Variants in MYBPC1 observed in about 807,000 individuals in gnomAD.
MYBPC1 encodes myosin-binding protein C, slow-type.
MYBPC1 carries 52 observed loss-of-function variants against 147.1 expected under a neutral mutation model. The ratio of observed to expected loss-of-function variants is 0.35; its 90% CI spans 0.28 to 0.45. MYBPC1 has a LOEUF of 0.45. MYBPC1 is among the 20% of genes least tolerant of loss of function. MYBPC1 has a pLI of 1.00. For missense variants in MYBPC1, 1,228 were observed against 1,440.3 expected (o/e 0.85, Z 2.39); for synonymous variants, 477 against 475.9 (o/e 1.00, Z -0.03).
intron 13 of MYBPC1, among the ~76,000 whole-genome samples, chr12:101,647,498 T>A (rs1360147613): frequency 1.3e-5 from 2 of 152,244 alleles, no homozygotes; most frequent in East Asian, 1.9e-4. Flanking sequence ...AATAATTGAT[T>A]TGACTTGGAG....
the MYBPC1 span, among the ~76,000 whole-genome samples, chr12:101,694,349 A>G: frequency 1.3e-5 from 2 of 152,198 alleles, no homozygotes; most frequent in Admixed American, 1.3e-4. Context: ...GTAAAATAAT[A>G]CTGTGTGTAT....
intron 31 of MYBPC1, among the ~76,000 whole-genome samples, chr12:101,684,818 A>G (rs1220701090): frequency 6.6e-6 from 1 of 152,210 alleles, no homozygotes; most frequent in Non-Finnish European, 1.5e-5. Context: ...AATTTGCATT[A>G]AAGAAGTTTT....
chr12:101,605,306 CA>C (rs745436241), intron 1 of MYBPC1, among the ~76,000 whole-genome samples: 3 of 152,106 alleles, frequency 2.0e-5, no homozygotes, highest in African/African-American at 4.8e-5. Context: ...TTCATTTTAT[CA>C]AAGCTGCAGA....
chr12:101,666,934 C>G (rs983661902), intron 22 of MYBPC1: 2 of 685,426 alleles, frequency 2.9e-6, no homozygotes, highest in East Asian at 3.1e-5. Context: ...CACACATACA[C>G]ACACACACAT....
chr12:101,652,993 C>G (rs1001655010), intron 17 of MYBPC1, 122 bp from the exon 18 acceptor site: 12 of 1,353,016 alleles, frequency 8.9e-6, no homozygotes, highest in Non-Finnish European at 1.1e-5. Context: ...TATCTTGACT[C>G]CTCTTATATT....
rs769689426 is a variant in MYBPC1 at position 101,663,427 on chromosome 12, T to G, written c.2223T>G (p.Ala741=). The G allele has an allele frequency of 5.6e-6, 9 of 1,613,470 alleles. 1 individual carries two copies. In the Middle Eastern group the frequency reaches 5.0e-4, roughly 89 times the overall value. The part of the protein sequence containing the change: ...SMPSRPFVPL[A]VTSPPTLLTV... ...TTTTCTGTCTCTTTTATCTTTAAGC[T>G]GTAACAAGCCCTCCTACTCTTCTGA... The change falls in exon 22 of 32, where the codon GCT becomes GCG. Residue 741 remains alanine, a splice_region_variant and synonymous_variant. Coordinates refer to ENST00000361466, the MANE Select transcript of MYBPC1 (RefSeq NM_002465.4).
At chr12:101,676,971 G>T (rs1216301492) in intron 26 of MYBPC1, among the ~76,000 whole-genome samples, 2 of 152,126 alleles carry the variant, frequency 1.3e-5, no homozygotes, top group African/African-American at 2.4e-5. Context: ...AAAGATAGTA[G>T]ATGGCAACTA....
intron 10 of MYBPC1, among the ~76,000 whole-genome samples, chr12:101,639,213 A>G (rs920537873): frequency 3.9e-5 from 6 of 152,290 alleles, no homozygotes; most frequent in African/African-American, 1.2e-4. Flanking sequence ...TAACTGTTAT[A>G]CTCTTCACTA....
chr12:101,650,859 G>T, intron 15 of MYBPC1: 2 of 325,936 alleles, frequency 6.1e-6, no homozygotes, highest in Non-Finnish European at 1.2e-5. Context: ...CTGTTGTGAA[G>T]CAGTAGAAAG....
intron 10 of MYBPC1, among the ~76,000 whole-genome samples, chr12:101,642,060 T>C (rs1892163089): frequency 6.6e-6 from 1 of 152,234 alleles, no homozygotes; most frequent in African/African-American, 2.4e-5. Context: ...ATCCATATCC[T>C]AGATGAAAAC....
rs374808856 is a variant in MYBPC1 at position 101,631,595 on chromosome 12, A to C, written c.314A>C (p.Lys105Thr). The C allele has an allele frequency of 7.1e-5, 115 of 1,614,014 alleles. No homozygotes were observed. Among genetic ancestry groups the C allele is most frequent in the Non-Finnish European group, 9.2e-5 (108 of 1,179,998 alleles). ...KVGEDITFIA[K>T]VKAEDLLRKP... ...GGTGAAGATATCACCTTCATAGCCA[A>C]AGTCAAGGCTGAAGATCTTCTGAGA... The change falls in exon 7 of 32, where the codon AAA (lysine) becomes ACA (threonine). Residue 105 changes from lysine (K) to threonine (T), a missense_variant. Lys to Thr is a moderately conservative substitution (Grantham distance 78, BLOSUM62 -1). This residue lies in a region of MYBPC1 where 151 missense variants were observed against 126.1 expected (regional missense o/e 1.20). Coordinates refer to ENST00000361466, the MANE Select transcript of MYBPC1 (RefSeq NM_002465.4).
chr12:101,647,081 T>C (rs1354216254), intron 13 of MYBPC1, 194 bp downstream of exon 13: 3 of 665,956 alleles, frequency 4.5e-6, no homozygotes, highest in Non-Finnish European at 7.6e-6. Context: ...TGCCTCATGT[T>C]TTGACTCAAG....
At position 101,667,766 on chromosome 12, in the gene MYBPC1, TGAC is replaced by T; in HGVS notation, c.2392_2394del (p.Asp798del). On this transcript the variant is annotated inframe_deletion, in exon 23 of 32. Transcript: ENST00000361466. ...GGATAGTTGCAAACAAAGATCTGAT[TGAC>T]AAGACGAAGTTCACCATCACAGGTC... is the stretch of plus-strand genomic sequence containing the variant. 6.2e-7 allele frequency: 1 copy of T among 1,614,138 alleles called. No individual in the cohort carries two copies. The highest frequency in any genetic ancestry group is 2.2e-5 in the East Asian group (1 of 44,882).
Position 101,673,283 on chromosome 12 carries a change from G to C in MYBPC1, c.2614-144G>C, listed in dbSNP as rs897001666. The C allele has an allele frequency of 2.7e-5, 21 of 768,000 alleles. No homozygotes were observed. The African/African-American group carries it at 3.1e-4, about 11-fold the overall frequency. The allele number at this position is 768,000 out of a possible 1,614,324, so 47.6% of individuals were successfully genotyped here. Reference sequence around the variant, plus strand: ...AAATACAGATTACAGCTTTGCTGCTGTAATTGCTCACCACCAGACTAGAAG... The same window carrying C: ...AAATACAGATTACAGCTTTGCTGCTCTAATTGCTCACCACCAGACTAGAAG... On this transcript the variant is annotated intron_variant, in intron 24 of 31. Transcript: ENST00000361466.
At chr12:101,676,764 A>AT (rs141974950) in intron 26 of MYBPC1, among the ~76,000 whole-genome samples, 56,315 of 151,642 alleles carry the variant, frequency 0.37, 10,693 homozygotes, top group South Asian at 0.5. Context: ...AAGAAAAAAA[A>AT]AATAATAATG....
intron 27 of MYBPC1, among the ~76,000 whole-genome samples, chr12:101,677,630 G>C (rs970687133): frequency 6.6e-6 from 1 of 152,090 alleles, no homozygotes; most frequent in Admixed American, 6.5e-5. Flanking sequence ...CTAGGCAGTG[G>C]ATCTATAAAT....
At chr12:101,629,772 C>T (rs902806942) in intron 6 of MYBPC1, among the ~76,000 whole-genome samples, 3 of 151,680 alleles carry the variant, frequency 2.0e-5, no homozygotes, top group Non-Finnish European at 4.4e-5. Context: ...ACTCAGGAGG[C>T]AGAGGCAGGA....
chr12:101,680,254 C>T (rs1464995805), intron 28 of MYBPC1, 89 bp from the exon 29 acceptor site: 1 of 1,283,008 alleles, frequency 7.8e-7, no homozygotes. Context: ...TTAAGCCATG[C>T]TTTAAAATTC....
At chr12:101,674,919 A>C (rs541624639) in intron 25 of MYBPC1, among the ~76,000 whole-genome samples, 13 of 151,964 alleles carry the variant, frequency 8.6e-5, no homozygotes, top group African/African-American at 3.1e-4. Context: ...AGCTAGAAAA[A>C]CGTTGTTTCC....
Sources: allele counts gnomAD v4.1 joint callset (sites outside exome capture counted in the v4.1 genomes callset), GRCh38; gene constraint gnomAD v4.1.1; regional missense constraint gnomAD v4.1.1; transcripts MANE v1.5; gene names NCBI Gene and HGNC (gene_info 2026-07-23, HGNC 2026-07-21).